The following TPRG1 variants were observed in gnomAD, a reference collection of about 807,000 sequenced individuals.
TPRG1 encodes the protein tumor protein p63 regulated 1.
TPRG1 carries 29 observed loss-of-function variants against 29.3 expected under a neutral mutation model. The observed-to-expected ratio is 0.99, with a 90% CI of 0.74 to 1.35. TPRG1 has a LOEUF of 1.35. Ranked by LOEUF, TPRG1 falls within the 40% of genes most tolerant of loss-of-function variation. The pLI is 0.00. For synonymous variants in TPRG1, 130 were observed against 116.8 expected, an observed-to-expected ratio of 1.11 and a Z score of -0.73; for missense variants, 327 against 335.0, an observed-to-expected ratio of 0.98 and a Z score of 0.19.
intron 1 of TPRG1, among the ~76,000 whole-genome samples, chr3:189,177,350 A>G (rs939145516): frequency 4.6e-5 from 7 of 152,056 alleles, no homozygotes; most frequent in African/African-American, 1.7e-4. Context: ...TCTGGTATTC[A>G]GTGAGGATAT....
At chr3:189,312,169 CTTTCTTTCTTTCTTTTT>C (rs1560689525) in intron 5 of TPRG1, among the ~76,000 whole-genome samples, 1 of 66,120 alleles carries the variant, frequency 1.5e-5, no homozygotes, top group African/African-American at 6.5e-5. Flanking sequence ...TTCTTTCTTT[CTTTCTTTCTTTCTTTTT>C]TTCTTTCTTT....
At chr3:189,068,401 A>G (rs1716591820) in intron 4 of TPRG1, among the ~76,000 whole-genome samples, 1 of 152,184 alleles carries the variant, frequency 6.6e-6, no homozygotes, top group East Asian at 1.9e-4. Flanking sequence ...TTTGGAATCA[A>G]CCTAAGTGTC....
intron 1 of TPRG1, among the ~76,000 whole-genome samples, chr3:189,112,986 T>C (rs1720729111): frequency 2.0e-5 from 3 of 152,210 alleles, no homozygotes; most frequent in Admixed American, 2.0e-4. Context: ...ATTTTCACGA[T>C]ATTGATTCTT....
chr3:189,173,475 G>T (rs1477421160), intron 1 of TPRG1, among the ~76,000 whole-genome samples: 7 of 151,542 alleles, frequency 4.6e-5, no homozygotes, highest in Non-Finnish European at 1.0e-4. Context: ...GAGTAGCTGG[G>T]ATTACAGGCA....
At chr3:189,117,718 C>G (rs1721346272) in intron 1 of TPRG1, among the ~76,000 whole-genome samples, 1 of 152,194 alleles carries the variant, frequency 6.6e-6, no homozygotes, top group African/African-American at 2.4e-5. Context: ...GGCATTTACC[C>G]TCGTTGTACT....
intron 4 of TPRG1, among the ~76,000 whole-genome samples, chr3:189,245,482 A>G (rs1741239868): frequency 6.6e-6 from 1 of 152,078 alleles, no homozygotes; most frequent in African/African-American, 2.4e-5. Flanking sequence ...TGTAAGTTGT[A>G]TTGGCTAATT....
At chr3:189,111,216 A>T (rs1395381076) in intron 1 of TPRG1, among the ~76,000 whole-genome samples, 1 of 152,004 alleles carries the variant, frequency 6.6e-6, no homozygotes, top group Non-Finnish European at 1.5e-5. Context: ...AACATAGTAT[A>T]TATCTCCTTT....
At chr3:189,178,655 T>A (rs1272722174) in intron 1 of TPRG1, among the ~76,000 whole-genome samples, 1 of 152,226 alleles carries the variant, frequency 6.6e-6, no homozygotes, top group Non-Finnish European at 1.5e-5. Flanking sequence ...CTCCAGGGGT[T>A]GAAGTCAACT....
chr3:189,122,492 G>T (rs1480076842), intron 1 of TPRG1, among the ~76,000 whole-genome samples: 6 of 152,192 alleles, frequency 3.9e-5, no homozygotes, highest in Admixed American at 6.5e-5. Context: ...AAATCTCTTG[G>T]ATTATTCCTG....
intron 1 of TPRG1, among the ~76,000 whole-genome samples, chr3:189,102,239 G>A (rs1272293951): frequency 6.6e-6 from 1 of 152,142 alleles, no homozygotes; most frequent in Non-Finnish European, 1.5e-5. Context: ...TCTGTGAAAT[G>A]AGAGTAATGA....
At chr3:189,211,069 T>C (rs1446589820) in intron 2 of TPRG1, among the ~76,000 whole-genome samples, 1 of 152,208 alleles carries the variant, frequency 6.6e-6, no homozygotes, top group Non-Finnish European at 1.5e-5. Context: ...AAATCTGCTC[T>C]TATATATTTA....
chr3:189,108,263 A>C (rs1720060242), intron 1 of TPRG1, among the ~76,000 whole-genome samples: 1 of 152,172 alleles, frequency 6.6e-6, no homozygotes, highest in Admixed American at 6.6e-5. Flanking sequence ...GTCTGGAAGC[A>C]AGGCAGGCTG....
intron 2 of TPRG1, among the ~76,000 whole-genome samples, chr3:189,212,483 G>A (rs1265955072): frequency 6.6e-6 from 1 of 152,126 alleles, no homozygotes; most frequent in African/African-American, 2.4e-5. Context: ...CTTCTTTCGG[G>A]TGTAGAAAAT....
At chr3:189,206,415 T>G (rs1734376113) in intron 1 of TPRG1, among the ~76,000 whole-genome samples, 1 of 151,984 alleles carries the variant, frequency 6.6e-6, no homozygotes, top group Non-Finnish European at 1.5e-5. Context: ...ACATACAGTG[T>G]TGTATGAGAT....
intron 4 of TPRG1, among the ~76,000 whole-genome samples, chr3:189,038,717 T>G (rs1267009064): frequency 6.6e-6 from 1 of 151,130 alleles, no homozygotes; most frequent in Admixed American, 6.6e-5. Flanking sequence ...AATTACAACA[T>G]TTAAAACTGA....
intron 4 of TPRG1, among the ~76,000 whole-genome samples, chr3:189,276,085 A>G (rs1157926450): frequency 6.6e-6 from 1 of 152,166 alleles, no homozygotes; most frequent in Admixed American, 6.5e-5. Context: ...AAGACTCTTG[A>G]AACAGTATAT....
intron 4 of TPRG1, among the ~76,000 whole-genome samples, chr3:189,071,131 C>T (rs1285229759): frequency 6.6e-6 from 1 of 151,756 alleles, no homozygotes. Flanking sequence ...GACCAGGTGC[C>T]CAAAGCAGAC....
chr3:189,251,183 T>C (rs1357539532), intron 4 of TPRG1, among the ~76,000 whole-genome samples: 1 of 152,050 alleles, frequency 6.6e-6, no homozygotes, highest in Non-Finnish European at 1.5e-5. Flanking sequence ...TAACTTCTGC[T>C]TAAGAGGCCG....
chr3:189,139,071 C>T (rs980784409), intron 3 of TPRG1, among the ~76,000 whole-genome samples: 2 of 152,210 alleles, frequency 1.3e-5, no homozygotes, highest in Admixed American at 6.5e-5. Flanking sequence ...AGACAACTTA[C>T]AGCCCCAACA....
Sources: gnomAD v4.1 joint callset for allele counts (sites outside exome capture counted in the v4.1 genomes callset) on GRCh38, gnomAD v4.1.1 for gene constraint, MANE v1.5 for transcripts, NCBI Gene and HGNC (gene_info 2026-07-23, HGNC 2026-07-21) for gene names.